Variants in FSTL5 observed in about 807,000 individuals in gnomAD.
The protein encoded by FSTL5 is follistatin like 5, also known as follistatin-related protein 5.
Under a neutral mutation model 89.1 loss-of-function variants are expected in FSTL5, and 62 were observed. The ratio of observed to expected loss-of-function variants is 0.70; its 90% CI spans 0.57 to 0.86. FSTL5 has a LOEUF of 0.86. Among genes scored for constraint, FSTL5 ranks in the 40% least tolerant of loss-of-function variants. The pLI is 0.00. For missense variants in FSTL5, 1,057 were observed against 1,001.6 expected (o/e 1.06, Z -0.75); for synonymous variants, 383 against 346.2 (o/e 1.11, Z -1.18).
intron 4 of FSTL5, among the ~76,000 whole-genome samples, chr4:161,875,164 G>A (rs1313555558): frequency 6.6e-6 from 1 of 151,996 alleles, no homozygotes; most frequent in Non-Finnish European, 1.5e-5. Flanking sequence ...TTATTTGGAG[G>A]CAGGGAACCC....
At chr4:162,048,590 T>C (rs1323696880) in intron 2 of FSTL5, among the ~76,000 whole-genome samples, 1 of 76,236 alleles carries the variant, frequency 1.3e-5, no homozygotes, top group Non-Finnish European at 2.5e-5. Flanking sequence ...TTAATACCAT[T>C]ATACACATAC....
At chr4:161,615,302 A>AAAAAAAAAAAAAAAT (rs1463200970) in intron 7 of FSTL5, among the ~76,000 whole-genome samples, 1 of 141,044 alleles carries the variant, frequency 7.1e-6, no homozygotes, top group African/African-American at 2.6e-5. Flanking sequence ...TCAAAAAAAA[A>AAAAAAAAAAAAAAAT]AAAAAAAAAA....
intron 6 of FSTL5, among the ~76,000 whole-genome samples, chr4:161,694,786 G>T (rs1441540863): frequency 1.4e-5 from 2 of 146,968 alleles, no homozygotes; most frequent in African/African-American, 5.0e-5. Flanking sequence ...GGGATTGCTG[G>T]TGTTATTGTT....
intron 6 of FSTL5, among the ~76,000 whole-genome samples, chr4:161,725,705 T>C (rs1185623772): frequency 6.6e-6 from 1 of 152,164 alleles, no homozygotes; most frequent in Admixed American, 6.5e-5. Flanking sequence ...CATCTGGATA[T>C]TCAAGGAGAA....
intron 7 of FSTL5, among the ~76,000 whole-genome samples, chr4:161,636,827 G>A (rs1191142721): frequency 7.7e-6 from 1 of 129,588 alleles, no homozygotes; most frequent in Admixed American, 8.2e-5. Flanking sequence ...ATTCCATGGT[G>A]TATATGTGCC....
At chr4:162,027,341 T>C (rs914913431) in intron 3 of FSTL5, among the ~76,000 whole-genome samples, 3 of 152,134 alleles carry the variant, frequency 2.0e-5, no homozygotes, top group African/African-American at 7.2e-5. Flanking sequence ...TTAATTTTCT[T>C]TTATAGAATT....
chr4:162,099,706 T>C lies in FSTL5; in HGVS notation c.126+11565A>G, dbSNP rs200399559. Among the ~76,000 whole-genome samples the C allele has an allele frequency of 6.6e-5, 10 of 152,232 alleles. No homozygotes were observed. The East Asian group carries it at 1.2e-3, about 18-fold the overall frequency. On this transcript the variant is annotated intron_variant, in intron 2 of 15. Coordinates refer to ENST00000306100, the MANE Select transcript of FSTL5 (RefSeq NM_020116.5). The stretch of plus-strand genomic sequence containing the variant: ...AAGGACTGTTATCCAAAATATACAA[T>C]GAACATGAAAAACACAACAAAAAGA...
At chr4:162,045,812 A>G (rs959110387) in intron 2 of FSTL5, among the ~76,000 whole-genome samples, 5 of 152,204 alleles carry the variant, frequency 3.3e-5, no homozygotes, top group African/African-American at 1.2e-4. Flanking sequence ...AATAAAATAA[A>G]TAATTTTTTA....
At chr4:161,478,389 G>T (rs1037027792) in intron 13 of FSTL5, among the ~76,000 whole-genome samples, 1 of 151,978 alleles carries the variant, frequency 6.6e-6, no homozygotes, top group African/African-American at 2.4e-5. Context: ...ACATCACCTT[G>T]CTTTATGTAT....
rs182451632 is a variant in FSTL5, at chr4:162,138,198, T to C, written c.-17+25417A>G. On this transcript the variant is annotated intron_variant, in intron 1 of 15. Transcript: ENST00000306100. ...TCTTGCTCTTCAATGTACTAAGTAA[T>C]ATGTGAAGTTCAATAATCCAGCTCT... 1.5e-4 allele frequency among the ~76,000 whole-genome samples: 23 copies of C among 152,288 alleles called. No homozygotes were observed. The East Asian group carries it at 4.4e-3, about 29-fold the overall frequency.
intron 12 of FSTL5, among the ~76,000 whole-genome samples, chr4:161,493,566 G>A (rs973317198): frequency 1.3e-5 from 2 of 151,886 alleles, no homozygotes; most frequent in African/African-American, 4.8e-5. Flanking sequence ...CATCTAATAT[G>A]ATAGATTTGT....
chr4:161,813,395 A>C (rs12504254), intron 4 of FSTL5, among the ~76,000 whole-genome samples: 16,288 of 152,116 alleles, frequency 0.11, 1,149 homozygotes, highest in East Asian at 0.21. Flanking sequence ...TAACCTGGTA[A>C]TAATTTAAAA....
At chr4:161,806,023 T>C (rs961222939) in intron 4 of FSTL5, among the ~76,000 whole-genome samples, 3 of 152,110 alleles carry the variant, frequency 2.0e-5, no homozygotes, top group African/African-American at 7.2e-5. Context: ...AACTTTGTCA[T>C]AGGTATGTTC....
At chr4:162,155,207 A>C (rs1321936521) in intron 1 of FSTL5, among the ~76,000 whole-genome samples, 1 of 152,216 alleles carries the variant, frequency 6.6e-6, no homozygotes, top group East Asian at 1.9e-4. Flanking sequence ...AATGTATATC[A>C]AAAGGGAGAT....
chr4:161,969,675 T>C (rs1735426811), intron 3 of FSTL5, among the ~76,000 whole-genome samples: 1 of 152,128 alleles, frequency 6.6e-6, no homozygotes, highest in Non-Finnish European at 1.5e-5. Context: ...CCACACGTAT[T>C]TCCTGTGCAA....
chr4:161,546,396 C>T (rs1420459304), intron 8 of FSTL5, among the ~76,000 whole-genome samples: 1 of 150,636 alleles, frequency 6.6e-6, no homozygotes, highest in African/African-American at 2.4e-5. Context: ...ATCAGTGATT[C>T]CAAAAGCCTA....
intron 14 of FSTL5, among the ~76,000 whole-genome samples, chr4:161,455,361 C>T (rs1733318304): frequency 6.6e-6 from 1 of 151,968 alleles, no homozygotes; most frequent in Non-Finnish European, 1.5e-5. Context: ...TTGCCTTGAA[C>T]AATTTCAGCT....
chr4:161,827,739 T>C (rs1730710104), intron 4 of FSTL5, among the ~76,000 whole-genome samples: 2 of 152,036 alleles, frequency 1.3e-5, no homozygotes, highest in Non-Finnish European at 1.5e-5. Flanking sequence ...TGGGGGAAAG[T>C]TGGCAGTTAC....
At chr4:162,006,954 C>T (rs1172286965) in intron 3 of FSTL5, among the ~76,000 whole-genome samples, 1 of 151,814 alleles carries the variant, frequency 6.6e-6, no homozygotes, top group Non-Finnish European at 1.5e-5. Flanking sequence ...ATGCACAAGG[C>T]ATCTGCTAAC....
Sources: allele counts gnomAD v4.1 joint callset (sites outside exome capture counted in the v4.1 genomes callset), GRCh38; gene constraint gnomAD v4.1.1; transcripts MANE v1.5; gene names NCBI Gene and HGNC (gene_info 2026-07-23, HGNC 2026-07-21).